Variants in TENM4 observed in about 807,000 individuals in gnomAD.
TENM4 encodes teneurin-4.
Under a neutral mutation model 243.3 loss-of-function variants are expected in TENM4, and 82 were observed. The observed-to-expected ratio is 0.34, with a 90% confidence interval of 0.28 to 0.40. The LOEUF is 0.40. Ranked by LOEUF, TENM4 falls within the 10% of genes least tolerant of loss-of-function variation. The pLI is 1.00. For synonymous variants in TENM4, 1,412 were observed against 1,456.3 expected, an observed-to-expected ratio of 0.97 and a Z score of 0.69; for missense variants, 3,138 against 3,673.3, an observed-to-expected ratio of 0.85 and a Z score of 3.77.
At chr11:79,012,680 G>T (rs1199369926) in intron 6 of TENM4, among the ~76,000 whole-genome samples, 1 of 152,186 alleles carries the variant, frequency 6.6e-6, no homozygotes, top group African/African-American at 2.4e-5. Context: ...GGAGGTACAG[G>T]ATGATGTTTA....
chr11:79,318,645 T>G (rs1022623117), intron 1 of TENM4, among the ~76,000 whole-genome samples: 1 of 152,162 alleles, frequency 6.6e-6, no homozygotes, highest in Admixed American at 6.5e-5. Context: ...ACAGGTAAAA[T>G]AGACATCAGT....
At chr11:79,008,470 G>C (rs745322760) in intron 6 of TENM4, among the ~76,000 whole-genome samples, 15 of 152,142 alleles carry the variant, frequency 9.9e-5, no homozygotes, top group Non-Finnish European at 1.9e-4. Context: ...TTAACATTTT[G>C]TTATATATAC....
intron 2 of TENM4, among the ~76,000 whole-genome samples, chr11:79,273,122 G>T (rs1473989703): frequency 3.9e-5 from 6 of 152,154 alleles, no homozygotes; most frequent in African/African-American, 9.7e-5. Context: ...TCCTGGCCAA[G>T]TTCCTTTACC....
chr11:79,193,921 A>G (rs1315288305), intron 3 of TENM4, among the ~76,000 whole-genome samples: 1 of 152,068 alleles, frequency 6.6e-6, no homozygotes, highest in Non-Finnish European at 1.5e-5. Flanking sequence ...GGGCCATGGG[A>G]GTGGAGAGCA....
intron 2 of TENM4, among the ~76,000 whole-genome samples, chr11:79,263,742 C>T (rs1371532590): frequency 6.6e-6 from 1 of 152,088 alleles, no homozygotes; most frequent in African/African-American, 2.4e-5. Context: ...AACAGTAACC[C>T]TAGTAACCCA....
intron 4 of TENM4, among the ~76,000 whole-genome samples, chr11:79,073,510 G>T (rs562863262): frequency 6.6e-5 from 10 of 152,298 alleles, no homozygotes; most frequent in Non-Finnish European, 1.3e-4. Context: ...GCTACTTCAT[G>T]TCTTCTTATT....
At chr11:79,050,622 T>C (rs1859768354) in intron 6 of TENM4, among the ~76,000 whole-genome samples, 2 of 152,238 alleles carry the variant, frequency 1.3e-5, no homozygotes, top group South Asian at 4.1e-4. Context: ...GCTTTGAACC[T>C]GGTTTGTTCC....
intron 25 of TENM4, among the ~76,000 whole-genome samples, chr11:78,715,590 C>A (rs941892526): frequency 6.6e-6 from 1 of 152,118 alleles, no homozygotes; most frequent in African/African-American, 2.4e-5. Flanking sequence ...AGCCCAAGGA[C>A]AAATCTGAGG....
chr11:79,389,093 A>C (rs1314743889), intron 1 of TENM4, among the ~76,000 whole-genome samples: 1 of 152,146 alleles, frequency 6.6e-6, no homozygotes, highest in Non-Finnish European at 1.5e-5. Flanking sequence ...CAGAATTATG[A>C]AGCATCTTTC....
At position 79,045,876 on chromosome 11, in the gene TENM4, C is replaced by T. The variant is rs150505116; in HGVS notation, c.493+18862G>A. ...CCACTCCTTCACTCCTGTGCAGACA[C>T]GCAAAACACACCCTCATGTGGAGTC... is the stretch of plus-strand genomic sequence containing the variant. On this transcript the variant is annotated intron_variant, in intron 6 of 33. Coordinates refer to ENST00000278550, the MANE Select transcript of TENM4 (RefSeq NM_001098816.3). 3.4e-3 allele frequency among the ~76,000 whole-genome samples: 520 copies of T among 152,282 alleles called. 5 individuals carry two copies. The South Asian group carries it at 0.045, about 13-fold the overall frequency.
intron 4 of TENM4, among the ~76,000 whole-genome samples, chr11:79,134,767 G>A (rs895364421): frequency 6.6e-6 from 1 of 152,044 alleles, no homozygotes; most frequent in African/African-American, 2.4e-5. Flanking sequence ...TTCAACACAT[G>A]GTGCTGGGAT....
chr11:79,084,107 A>T (rs1860745519), intron 4 of TENM4, among the ~76,000 whole-genome samples: 1 of 152,250 alleles, frequency 6.6e-6, no homozygotes, highest in Non-Finnish European at 1.5e-5. Flanking sequence ...GCAAATAAGC[A>T]CATGAAAAGA....
At chr11:79,042,433 C>CCCTTATGAAT (rs1362211483) in intron 6 of TENM4, among the ~76,000 whole-genome samples, 3 of 152,146 alleles carry the variant, frequency 2.0e-5, no homozygotes, top group Non-Finnish European at 4.4e-5. Flanking sequence ...GAGGGCTCTT[C>CCCTTATGAAT]CCTTATGAAT....
chr11:78,835,059 G>T (rs1349940523), intron 12 of TENM4, among the ~76,000 whole-genome samples: 1 of 151,910 alleles, frequency 6.6e-6, no homozygotes. Context: ...TTGTCCTTGT[G>T]GGTTTACTCC....
At chr11:78,727,825 C>T (rs1855552029) in intron 22 of TENM4, among the ~76,000 whole-genome samples, 3 of 152,190 alleles carry the variant, frequency 2.0e-5, no homozygotes. Context: ...TCTGGGCAGC[C>T]ACTATTTTCC....
At chr11:78,719,178 A>G (rs1490112561) in intron 25 of TENM4, among the ~76,000 whole-genome samples, 1 of 152,124 alleles carries the variant, frequency 6.6e-6, no homozygotes, top group Non-Finnish European at 1.5e-5. Context: ...TATTAACCTT[A>G]TGTTAGAAAC....
At position 79,106,355 on chromosome 11, in the gene TENM4, C is replaced by G. The variant is rs1298083483; in HGVS notation, c.-65-36346G>C. Among the ~76,000 whole-genome samples, 3 of 152,242 alleles carry G rather than the reference C, an allele frequency of 2.0e-5. No individual in the cohort carries two copies. In the South Asian group the frequency reaches 6.2e-4, roughly 31 times the overall value. On this transcript the variant is annotated intron_variant, in intron 4 of 33. Coordinates refer to ENST00000278550, the MANE Select transcript of TENM4 (RefSeq NM_001098816.3). ...GGAAGCCCAGCCTAGTGGAAAAAGG[C>G]TGCTTAGGGACAGGCAGTCCCAGGC...
intron 2 of TENM4, among the ~76,000 whole-genome samples, chr11:79,262,431 C>T (rs77116905): frequency 0.038 from 5,743 of 152,190 alleles, 373 homozygotes; most frequent in African/African-American, 0.13. Flanking sequence ...GGTAGGGAGC[C>T]CCAAAGGAAG....
intron 9 of TENM4, among the ~76,000 whole-genome samples, chr11:78,878,492 G>C (rs1859330467): frequency 6.6e-6 from 1 of 152,196 alleles, no homozygotes; most frequent in African/African-American, 2.4e-5. Context: ...AGCGACACTT[G>C]AGCTAAGCTC....
Sources: gnomAD v4.1 joint callset for allele counts (sites outside exome capture counted in the v4.1 genomes callset) on GRCh38, gnomAD v4.1.1 for gene constraint, MANE v1.5 for transcripts, NCBI Gene and HGNC (gene_info 2026-07-23, HGNC 2026-07-21) for gene names.